Variants in BDKRB2 observed in about 807,000 individuals in gnomAD.
BDKRB2 encodes the protein B2 bradykinin receptor.
A neutral mutation model predicts 4.0 loss-of-function variants in BDKRB2; 6 were observed. That is an observed-to-expected ratio of 1.49 (90% CI 0.81 to 2.93). The LOEUF (loss-of-function observed/expected upper bound fraction) is 2.93. Ranked by LOEUF, BDKRB2 falls within the 30% of genes most tolerant of loss-of-function variation. The probability of loss-of-function intolerance (pLI) is 0.00; values close to 1 mark genes in which losing one functional copy is unlikely to be tolerated. For synonymous variants in BDKRB2, 225 were observed against 215.3 expected, an observed-to-expected ratio of 1.05 and a Z score of -0.40; for missense variants, 478 against 520.1, an observed-to-expected ratio of 0.92 and a Z score of 0.79.
rs146839206 is a variant in BDKRB2 at position 96,205,271 on chromosome 14, A to T, written c.-40+312A>T. On this transcript the variant is annotated intron_variant, in intron 1 of 2. Coordinates refer to ENST00000554311, the MANE Select transcript of BDKRB2 (RefSeq NM_001379692.1). Reference sequence around the variant, plus strand: ...GGATTTTCACATACTTTGAGTGGACACCTTGGAGTAAGGCAGCGAGGTGTG... The same window carrying T: ...GGATTTTCACATACTTTGAGTGGACTCCTTGGAGTAAGGCAGCGAGGTGTG... Among the ~76,000 whole-genome samples the T allele has an allele frequency of 4.6e-3, 705 of 152,190 alleles. 2 individuals carry two copies. The highest frequency in any genetic ancestry group is 6.1e-3 in the Non-Finnish European group (412 of 68,000).
intron 2 of BDKRB2, chr14:96,239,903 A>G: frequency 3.0e-6 from 3 of 985,876 alleles, no homozygotes; most frequent in Non-Finnish European, 3.6e-6. Context: ...GAAGACAGAA[A>G]CTAGGCAGAT....
At chr14:96,217,644 G>C (rs953428273) in intron 1 of BDKRB2, among the ~76,000 whole-genome samples, 1 of 152,222 alleles carries the variant, frequency 6.6e-6, no homozygotes. Flanking sequence ...CAGGTTCAGA[G>C]AGGTGAAGTG....
chr14:96,243,940 C>T lies in BDKRB2; in HGVS notation c.*2436C>T, dbSNP rs186538581. 2.7e-5 allele frequency: 10 copies of T among 374,136 alleles called. No homozygotes were observed. The East Asian group carries it at 2.7e-4, about 10-fold the overall frequency. 23.2% of individuals were successfully genotyped at this position (374,136 alleles called of 1,614,324 possible). A position where few individuals can be genotyped will look rare whatever the true frequency, so the allele number is the denominator to read the frequency against. ...GACTCTCTTAGGAGCAGAGCTCTGC[C>T]GCAATGGCCATGTGGGGATCCACAC... On this transcript the variant is annotated 3_prime_UTR_variant, in exon 3 of 3. Coordinates refer to ENST00000554311, the MANE Select transcript of BDKRB2 (RefSeq NM_001379692.1).
At chr14:96,232,216 T>A (rs897225476) in intron 1 of BDKRB2, among the ~76,000 whole-genome samples, 4 of 152,166 alleles carry the variant, frequency 2.6e-5, no homozygotes, top group Non-Finnish European at 4.4e-5. Context: ...ACTCGTCTAC[T>A]CCACACAGCA....
intron 1 of BDKRB2, among the ~76,000 whole-genome samples, chr14:96,207,843 A>G (rs953703780): frequency 3.3e-5 from 5 of 152,104 alleles, no homozygotes; most frequent in African/African-American, 7.2e-5. Context: ...TAGGACAATT[A>G]CGGTACCTCA....
At chr14:96,228,693 G>A (rs188478363) in intron 1 of BDKRB2, among the ~76,000 whole-genome samples, 43 of 152,356 alleles carry the variant, frequency 2.8e-4, no homozygotes, top group African/African-American at 1.0e-3. Flanking sequence ...TGGGAAAACA[G>A]GAATGTGAAG....
chr14:96,234,824 C>G lies in BDKRB2; in HGVS notation c.-39-2245C>G, dbSNP rs574409360. Among the ~76,000 whole-genome samples, 10 of 152,270 alleles carry G rather than the reference C, an allele frequency of 6.6e-5. 1 individual carries two copies. In the South Asian group the frequency reaches 2.1e-3, roughly 32 times the overall value. On this transcript the variant is annotated intron_variant, in intron 1 of 2. Transcript: ENST00000554311. ...ACAACAGACCCATAATGGAGGCCAG[C>G]GAGGAAACGCTGGACACGTCCCCCA... is the stretch of plus-strand genomic sequence containing the variant.
At chr14:96,236,095 T>C (rs1890929579) in intron 1 of BDKRB2, among the ~76,000 whole-genome samples, 1 of 152,062 alleles carries the variant, frequency 6.6e-6, no homozygotes, top group Non-Finnish European at 1.5e-5. Flanking sequence ...ACAAGGGTCG[T>C]CAATGGAAGC....
chr14:96,213,319 C>G (rs1331273294), intron 1 of BDKRB2, among the ~76,000 whole-genome samples: 1 of 152,188 alleles, frequency 6.6e-6, no homozygotes, highest in South Asian at 2.1e-4. Flanking sequence ...GTGGGAGAGA[C>G]AGGCAGAGAC....
intron 1 of BDKRB2, among the ~76,000 whole-genome samples, chr14:96,218,399 T>G (rs370137388): frequency 2.0e-5 from 3 of 152,258 alleles, no homozygotes; most frequent in South Asian, 4.1e-4. Context: ...CACTTCATAG[T>G]GGGATGACCT....
chr14:96,236,313 G>A (rs117305204), intron 1 of BDKRB2, among the ~76,000 whole-genome samples: 133 of 152,118 alleles, frequency 8.7e-4, no homozygotes, highest in Admixed American at 1.4e-3. Flanking sequence ...GACCCTGCTG[G>A]ACCCAACAGC....
rs201448595 is a variant in BDKRB2 at position 96,240,597 on chromosome 14, C to A, written c.269C>A (p.Thr90Lys). The A allele has an allele frequency of 1.3e-6, 2 of 1,551,208 alleles. No homozygotes were observed. The highest frequency in any genetic ancestry group is 1.7e-6 in the Non-Finnish European group (2 of 1,150,852). ...TTCTGCCTGCACAAGAGCAGCTGCA[C>A]GGTGGCAGAGATCTACCTGGGGAAC... is the stretch of plus-strand genomic sequence containing the variant. Reference protein sequence around the residue: ...SVFCLHKSSCTVAEIYLGNLA... With the variant: ...SVFCLHKSSCKVAEIYLGNLA... Residue 90 changes from threonine to lysine, a missense_variant, in exon 3 of 3, where the codon ACG becomes AAG. By Grantham distance (78) the Thr-to-Lys change is moderately conservative. Transcript: ENST00000554311.
At chr14:96,236,088 A>G (rs1192598719) in intron 1 of BDKRB2, among the ~76,000 whole-genome samples, 1 of 152,160 alleles carries the variant, frequency 6.6e-6, no homozygotes, top group East Asian at 1.9e-4. Flanking sequence ...GGTAGAGACA[A>G]GGGTCGTCAA....
At chr14:96,207,047 C>T (rs917481649) in intron 1 of BDKRB2, among the ~76,000 whole-genome samples, 17 of 152,096 alleles carry the variant, frequency 1.1e-4, no homozygotes, top group African/African-American at 4.1e-4. Flanking sequence ...GATCTAATCT[C>T]CCCCCAGAAG....
chr14:96,241,105 C>T lies in BDKRB2; in HGVS notation c.777C>T (p.Phe259=). The change falls in exon 3 of 3, where the codon TTC becomes TTT. Residue 259 remains phenylalanine, a synonymous_variant. Coordinates refer to ENST00000554311, the MANE Select transcript of BDKRB2 (RefSeq NM_001379692.1). ...TGCGGAACAACGAGATGCAGAAGTT[C>T]AAGGAGATCCAGACAGAGAGGAGGG... The part of the protein sequence containing the change: ...QVLRNNEMQK[F]KEIQTERRAT... The T allele has an allele frequency of 6.2e-7, 1 of 1,613,852 alleles. No homozygotes were observed. The highest frequency in any genetic ancestry group is 8.5e-7 in the Non-Finnish European group (1 of 1,179,948).
intron 1 of BDKRB2, among the ~76,000 whole-genome samples, chr14:96,225,052 C>T (rs1022206236): frequency 2.6e-5 from 4 of 152,176 alleles, no homozygotes; most frequent in Middle Eastern, 3.2e-3. Context: ...ATTTGTTCCT[C>T]CCATCTCCAG....
At chr14:96,229,308 A>G (rs1464918134) in intron 1 of BDKRB2, among the ~76,000 whole-genome samples, 1 of 152,120 alleles carries the variant, frequency 6.6e-6, no homozygotes, top group Non-Finnish European at 1.5e-5. Context: ...CCAATAGGAG[A>G]CACAGATTAA....
intron 1 of BDKRB2, among the ~76,000 whole-genome samples, chr14:96,227,942 C>T (rs1890737138): frequency 2.0e-5 from 3 of 152,216 alleles, no homozygotes; most frequent in Admixed American, 2.0e-4. Context: ...TTTCCAGCAG[C>T]CCCCGACTCC....
Position 96,241,398 on chromosome 14 carries a change from G to A in BDKRB2, c.1070G>A (p.Arg357Lys). The change falls in exon 3 of 3, where the codon AGG (arginine) becomes AAG (lysine). Residue 357 changes from arginine to lysine, a missense_variant. By Grantham distance (26) the Arg-to-Lys change is conservative (BLOSUM62 2). Transcript: ENST00000554311. ...YQGVCQKGGC[R>K]SEPIQMENSM... ...GGAGTGTGCCAGAAAGGGGGCTGCAGGTCAGAACCCATTCAGATGGAGAAC... is the reference window on the plus strand; with the variant it reads ...GGAGTGTGCCAGAAAGGGGGCTGCAAGTCAGAACCCATTCAGATGGAGAAC... 3 of 1,611,980 alleles carry A rather than the reference G, an allele frequency of 1.9e-6. No individual in the cohort carries two copies. Among genetic ancestry groups the A allele is most frequent in the Non-Finnish European group, 1.7e-6 (2 of 1,179,894 alleles).
Sources: allele counts gnomAD v4.1 joint callset (sites outside exome capture counted in the v4.1 genomes callset), GRCh38; gene constraint gnomAD v4.1.1; transcripts MANE v1.5; gene names NCBI Gene and HGNC (gene_info 2026-07-23, HGNC 2026-07-21).